The following CDKN2A variants were observed in gnomAD, a reference collection of about 807,000 sequenced individuals.
The protein encoded by CDKN2A is cyclin dependent kinase inhibitor 2A, also known as cyclin-dependent kinase inhibitor 2A.
CDKN2A carries 3 observed loss-of-function variants against 11.1 expected under a neutral mutation model. The observed-to-expected ratio is 0.27, with a 90% CI of 0.12 to 0.70. The LOEUF is 0.70. Ranked by LOEUF, CDKN2A falls within the 30% of genes least tolerant of loss-of-function variation. CDKN2A has a pLI of 0.77. For synonymous variants in CDKN2A, 122 were observed against 108.1 expected (o/e 1.13, Z -0.80); for missense variants, 265 against 233.6 (o/e 1.13, Z -0.88).
chr9:21,974,219 A>G lies in CDKN2A; in HGVS notation c.150+459T>C, dbSNP rs3731239. On this transcript the variant is annotated intron_variant, in intron 1 of 2. Transcript: ENST00000304494. The surrounding 1 kb of genome is among the most constrained non-coding windows in gnomAD (Gnocchi z 5.2). ...TTCTGAATAATTTCGATCAAAATTT[A>G]TATTCGATATTTATTCCAACATACA... Among the ~76,000 whole-genome samples the G allele has an allele frequency of 0.26, 38,988 of 152,118 alleles. 6,490 individuals carry two copies. Among genetic ancestry groups the G allele is most frequent in the Non-Finnish European group, 0.37 (25,219 of 67,972 alleles).
intron 2 of CDKN2A, among the ~76,000 whole-genome samples, chr9:21,980,460 T>C (rs923788866): frequency 6.6e-6 from 1 of 152,198 alleles, no homozygotes; most frequent in Non-Finnish European, 1.5e-5. Flanking sequence ...TTGTACTATG[T>C]CCATGGCCTT....
intron 2 of CDKN2A, among the ~76,000 whole-genome samples, chr9:21,989,092 T>C (rs1001923042): frequency 2.6e-5 from 4 of 151,758 alleles, no homozygotes; most frequent in South Asian, 2.1e-4. Context: ...ATTCAACAAA[T>C]AGAAAAAAAA....
At chr9:21,980,166 T>G (rs976153861) in intron 2 of CDKN2A, among the ~76,000 whole-genome samples, 9 of 152,026 alleles carry the variant, frequency 5.9e-5, no homozygotes, top group Admixed American at 3.9e-4. Context: ...TCTTTTGAGA[T>G]TATTTCTAGA....
At chr9:21,989,045 T>C (rs551282444) in intron 2 of CDKN2A, among the ~76,000 whole-genome samples, 4 of 152,364 alleles carry the variant, frequency 2.6e-5, no homozygotes, top group East Asian at 1.9e-4. Flanking sequence ...ATTCCTGTAA[T>C]TTCTTCTGTT....
Position 21,967,936 on chromosome 9 carries a change from T to G in CDKN2A, c.*293A>C. The G allele has an allele frequency of 2.3e-6, 1 of 428,188 alleles. No individual in the cohort carries two copies. Among genetic ancestry groups the G allele is most frequent in the Non-Finnish European group, 4.2e-6 (1 of 239,492 alleles). The allele number at this position is 428,188 out of a possible 1,614,324, so 26.5% of individuals were successfully genotyped here. A position where few individuals can be genotyped will look rare whatever the true frequency, so the allele number is the denominator to read the frequency against. Reference sequence around the variant, plus strand: ...AGAAATGCCCACATGAATGTGCGCTTAGGGCGTGAGTGCTCACTCCAGAAA... The same window carrying G: ...AGAAATGCCCACATGAATGTGCGCTGAGGGCGTGAGTGCTCACTCCAGAAA... On this transcript the variant is annotated 3_prime_UTR_variant, in exon 3 of 3. Coordinates refer to ENST00000304494, the MANE Select transcript of CDKN2A (RefSeq NM_000077.5).
chr9:21,990,620 G>GAGAGAGAGAGAGAGAGAGAC (rs1375041407), intron 2 of CDKN2A, among the ~76,000 whole-genome samples: 1 of 133,804 alleles, frequency 7.5e-6, no homozygotes, highest in Non-Finnish European at 1.5e-5. Flanking sequence ...GTGAGAGAGA[G>GAGAGAGAGAGAGAGAGAGAC]AGAGAGAGAG....
chr9:21,972,576 G>C (rs1035939095), intron 1 of CDKN2A, among the ~76,000 whole-genome samples: 4 of 152,154 alleles, frequency 2.6e-5, no homozygotes, highest in African/African-American at 9.7e-5. Context: ...TTTGACTTCT[G>C]ATCTCTAGAA....
At chr9:21,982,834 T>A (rs562742788) in intron 2 of CDKN2A, among the ~76,000 whole-genome samples, 6 of 151,752 alleles carry the variant, frequency 4.0e-5, no homozygotes, top group Non-Finnish European at 7.4e-5. Context: ...AGCTGTCCCA[T>A]GGGATAGAGA....
chr9:21,994,577 G>T, intron 1 of CDKN2A: 1 of 960,670 alleles, frequency 1.0e-6, no homozygotes, highest in Middle Eastern at 3.6e-4. Context: ...TCTGAGCCCT[G>T]CGCACGCGGG....
intron 2 of CDKN2A, chr9:21,989,406 A>C (rs188034354): frequency 4.6e-5 from 7 of 152,272 alleles, no homozygotes; most frequent in Admixed American, 4.6e-4. Context: ...ATTTTCAAAC[A>C]TGGGGAAAGC....
chr9:21,977,451 C>A (rs3731235), upstream of CDKN2A, among the ~76,000 whole-genome samples: 411 of 152,226 alleles, frequency 2.7e-3, 19 homozygotes, highest in East Asian at 0.074. Flanking sequence ...CTGCAACCTC[C>A]GCCTCCCGGG....
At chr9:21,979,856 A>G (rs1378137469), upstream of CDKN2A, among the ~76,000 whole-genome samples, 3 of 152,168 alleles carry the variant, frequency 2.0e-5, no homozygotes. Context: ...TTTAAACTAA[A>G]GAAAGCCCTG....
At chr9:21,969,689 C>G (rs1819602060) in intron 2 of CDKN2A, 1 of 393,642 alleles carries the variant, frequency 2.5e-6, no homozygotes, top group Admixed American at 4.4e-5. Context: ...AGCCCTGGAA[C>G]CGCGCTGTAA....
intron 2 of CDKN2A, chr9:21,970,581 C>G (rs778405881): frequency 1.7e-6 from 1 of 578,694 alleles, no homozygotes; most frequent in Non-Finnish European, 3.1e-6. Flanking sequence ...GGGCACTAGA[C>G]CTCTAGCCTC....
At position 21,981,037 on chromosome 9, in the gene CDKN2A, CGTGTATATATATATAT is replaced by C. The variant is rs1820173058; in HGVS notation, c.-3-9845_-3-9830del. 5.4e-5 allele frequency among the ~76,000 whole-genome samples: 3 copies of C among 55,408 alleles called. 1 individual carries two copies. Among genetic ancestry groups the C allele is most frequent in the African/African-American group, 2.2e-4 (3 of 13,944 alleles). 36.3% of individuals were successfully genotyped at this position (55,408 alleles called of 152,430 possible). On this transcript the variant is annotated intron_variant, in intron 2 of 3. Coordinates refer to the CDKN2A transcript ENST00000494262. ...ATATATATACGTGTATATATATATA[CGTGTATATATATATAT>C]ACGTGTATATATATATACGTGTATA...
At chr9:21,977,388 G>A (rs1222124214), upstream of CDKN2A, among the ~76,000 whole-genome samples, 2 of 151,940 alleles carry the variant, frequency 1.3e-5, no homozygotes, top group Non-Finnish European at 2.9e-5. Flanking sequence ...ATGGAGTTTC[G>A]CTCTGTTGCC....
At chr9:21,982,890 T>C (rs1205027909) in intron 2 of CDKN2A, among the ~76,000 whole-genome samples, 2 of 150,798 alleles carry the variant, frequency 1.3e-5, no homozygotes, top group Middle Eastern at 3.2e-3. Flanking sequence ...AAGCTCAGAG[T>C]GCTTAAGTAA....
chr9:21,970,928 C>A lies in CDKN2A; in HGVS notation c.431G>T (p.Arg144Leu), dbSNP rs1060501274. Residue 144 changes from arginine to leucine, a missense_variant, in exon 2 of 3, where the codon CGC becomes CTC. By Grantham distance (102) the Arg-to-Leu change is moderately radical (BLOSUM62 -2). Transcript: ENST00000304494. The part of the protein sequence containing the change: ...AGGTRGSNHA[R>L]IDAAEGPSDI... ...TGAGGGACCTTCCGCGGCATCTATG[C>A]GGGCATGGTTACTGCCTCTGGTGCC... 10 of 1,612,274 alleles carry A rather than the reference C, an allele frequency of 6.2e-6. No homozygotes were observed. The highest frequency in any genetic ancestry group is 4.5e-5 in the East Asian group (2 of 44,892).
upstream of CDKN2A, among the ~76,000 whole-genome samples, chr9:21,976,328 G>C (rs1212216708): frequency 6.7e-6 from 1 of 148,946 alleles, no homozygotes; most frequent in Non-Finnish European, 1.5e-5. Context: ...GCAGTAAGCC[G>C]AGATCGCGCC....
Sources: gnomAD v4.1 joint callset for allele counts (sites outside exome capture counted in the v4.1 genomes callset) on GRCh38, gnomAD v4.1.1 for gene constraint, Gnocchi (gnomAD v3.1) non-coding constraint, MANE v1.5 for transcripts, NCBI Gene and HGNC (gene_info 2026-07-23, HGNC 2026-07-21) for gene names.